The following CHCHD6 variants were observed in gnomAD, a reference collection of about 807,000 sequenced individuals.
CHCHD6 encodes MICOS complex subunit MIC25.
CHCHD6 carries 28 observed loss-of-function variants against 32.3 expected under a neutral mutation model. The ratio of observed to expected loss-of-function variants is 0.87; its 90% CI spans 0.64 to 1.19. The LOEUF (loss-of-function observed/expected upper bound fraction) is 1.19, where lower values mean the gene tolerates loss of function less well. Ranked by LOEUF, CHCHD6 falls within the 50% of genes most tolerant of loss-of-function variation. The pLI is 0.00. For synonymous variants in CHCHD6, 122 were observed against 117.5 expected, an observed-to-expected ratio of 1.04 and a Z score of -0.25; for missense variants, 333 against 307.0, an observed-to-expected ratio of 1.08 and a Z score of -0.63.
chr3:126,956,116 C>A (rs916003726), intron 6 of CHCHD6, among the ~76,000 whole-genome samples: 5 of 152,108 alleles, frequency 3.3e-5, no homozygotes, highest in African/African-American at 4.8e-5. Flanking sequence ...CTCTGGAGAC[C>A]CTGGTGGGAG....
chr3:126,715,617 G>A (rs1409806968), intron 1 of CHCHD6, among the ~76,000 whole-genome samples: 2 of 152,160 alleles, frequency 1.3e-5, no homozygotes, highest in Non-Finnish European at 2.9e-5. Flanking sequence ...GTGGAACAGA[G>A]CTGCATGGAT....
intron 4 of CHCHD6, among the ~76,000 whole-genome samples, chr3:126,777,674 G>A (rs1235773787): frequency 6.6e-6 from 1 of 152,194 alleles, no homozygotes; most frequent in African/African-American, 2.4e-5. Flanking sequence ...TAGCAGGCAC[G>A]TTGAGCTCCT....
At chr3:126,721,335 T>C (rs1935280169) in intron 1 of CHCHD6, among the ~76,000 whole-genome samples, 2 of 152,232 alleles carry the variant, frequency 1.3e-5, no homozygotes, top group Admixed American at 1.3e-4. Flanking sequence ...TCTTCCTGTC[T>C]GTGCCTCTTC....
intron 4 of CHCHD6, among the ~76,000 whole-genome samples, chr3:126,771,174 T>C (rs1197249370): frequency 6.6e-6 from 1 of 151,850 alleles, no homozygotes; most frequent in Non-Finnish European, 1.5e-5. Context: ...AGTGGTAATG[T>C]ACCCTTTATT....
In CHCHD6 at chr3:126,957,462, C is replaced by G. The variant is rs2078801691; in HGVS notation, c.613C>G (p.Leu205Val). ...PVCSGLQAQI[L>V]HCYRDRPHEV... is the part of the protein sequence containing the mutation. ...CTGCTCAGGGTTGCAGGCCCAGATT[C>G]TCCACTGCTACCGAGATCGCCCGCA... The change falls in exon 7 of 8, where the codon CTC becomes GTC. Residue 205 changes from leucine to valine, a missense_variant. Coordinates refer to ENST00000290913, the MANE Select transcript of CHCHD6 (RefSeq NM_032343.3). The G allele has an allele frequency of 1.2e-6, 2 of 1,611,130 alleles. No homozygotes were observed. Among genetic ancestry groups the G allele is most frequent in the South Asian group, 1.1e-5 (1 of 90,260 alleles).
chr3:126,911,757 A>G (rs1053014293), intron 5 of CHCHD6, among the ~76,000 whole-genome samples: 4 of 152,234 alleles, frequency 2.6e-5, no homozygotes, highest in African/African-American at 9.6e-5. Flanking sequence ...TTCTGGCAGT[A>G]TGGCATCTTG....
chr3:126,814,522 C>T (rs1412323212), intron 4 of CHCHD6, among the ~76,000 whole-genome samples: 3 of 152,182 alleles, frequency 2.0e-5, no homozygotes, highest in Non-Finnish European at 4.4e-5. Context: ...AAGTTGATCA[C>T]CAAATGGCCA....
chr3:126,920,711 G>C (rs766201966), intron 6 of CHCHD6, among the ~76,000 whole-genome samples: 4 of 152,228 alleles, frequency 2.6e-5, no homozygotes, highest in Non-Finnish European at 5.9e-5. Flanking sequence ...CTCCACAGGA[G>C]CGTTGCCTCC....
intron 6 of CHCHD6, among the ~76,000 whole-genome samples, chr3:126,933,389 A>G (rs1027089870): frequency 3.3e-5 from 5 of 152,090 alleles, no homozygotes; most frequent in Non-Finnish European, 4.4e-5. Flanking sequence ...TGTATTATCC[A>G]TTTGCATTGC....
intron 7 of CHCHD6, among the ~76,000 whole-genome samples, chr3:126,959,982 G>T (rs1345695631): frequency 6.6e-6 from 1 of 152,186 alleles, no homozygotes; most frequent in Non-Finnish European, 1.5e-5. Flanking sequence ...TGTCACTGTC[G>T]TGTGGAGTGA....
Position 126,745,785 on chromosome 3 carries a change from T to C in CHCHD6, c.411+12563T>C, listed in dbSNP as rs546822135. Among the ~76,000 whole-genome samples, 4 of 152,314 alleles carry C rather than the reference T, an allele frequency of 2.6e-5. No individual in the cohort carries two copies. The South Asian group carries it at 8.3e-4, about 32-fold the overall frequency. On this transcript the variant is annotated intron_variant, in intron 4 of 7. Coordinates refer to ENST00000290913, the MANE Select transcript of CHCHD6 (RefSeq NM_032343.3). ...TTTCCTAACTCTTAAGGTTAATTTG[T>C]GCTTGGAGAGGAGATACAGCTATTC...
At chr3:126,861,657 C>T (rs1201684038) in intron 5 of CHCHD6, among the ~76,000 whole-genome samples, 5 of 150,508 alleles carry the variant, frequency 3.3e-5, no homozygotes, top group South Asian at 2.1e-4. Context: ...CCACCTCCCC[C>T]TCCTCTACCA....
intron 4 of CHCHD6, among the ~76,000 whole-genome samples, chr3:126,752,564 G>T (rs1936770823): frequency 6.6e-6 from 1 of 152,210 alleles, no homozygotes. Context: ...GAGGCTGAAA[G>T]GCCCTCTACC....
intron 5 of CHCHD6, among the ~76,000 whole-genome samples, chr3:126,891,108 C>T (rs569347075): frequency 4.6e-5 from 7 of 152,302 alleles, no homozygotes; most frequent in African/African-American, 1.7e-4. Flanking sequence ...TTCCCCAGGA[C>T]ATACCCTAGC....
chr3:126,777,272 C>T (rs1205140125), intron 4 of CHCHD6, among the ~76,000 whole-genome samples: 1 of 152,100 alleles, frequency 6.6e-6, no homozygotes, highest in Non-Finnish European at 1.5e-5. Flanking sequence ...TCAAAACTAC[C>T]CAGGCATACA....
At position 126,906,876 on chromosome 3, in the gene CHCHD6, C is replaced by T. The variant is rs73207622; in HGVS notation, c.496-7804C>T. On this transcript the variant is annotated intron_variant, in intron 5 of 7. Transcript: ENST00000290913. ...TTCTCCCTGGACCAATGAAGAAGCA[C>T]GTTCAGGGAAGGGGGAGTCATCATC... Among the ~76,000 whole-genome samples the T allele has an allele frequency of 7.3e-3, 1,107 of 152,266 alleles. 7 individuals are homozygous for T. Among genetic ancestry groups the T allele is most frequent in the Non-Finnish European group, 0.012 (811 of 68,016 alleles).
intron 6 of CHCHD6, among the ~76,000 whole-genome samples, chr3:126,927,377 G>A (rs1197548544): frequency 6.6e-6 from 1 of 152,208 alleles, no homozygotes; most frequent in Non-Finnish European, 1.5e-5. Flanking sequence ...CTGGGGGGTG[G>A]TGGGCTCAGC....
At chr3:126,807,619 T>TC (rs772763162) in intron 4 of CHCHD6, among the ~76,000 whole-genome samples, 4 of 152,148 alleles carry the variant, frequency 2.6e-5, no homozygotes, top group Admixed American at 6.5e-5. Flanking sequence ...TCAGAACATT[T>TC]CCCAGAACTG....
At chr3:126,790,688 C>T (rs1048937787) in intron 4 of CHCHD6, among the ~76,000 whole-genome samples, 3 of 152,082 alleles carry the variant, frequency 2.0e-5, no homozygotes, top group Admixed American at 2.0e-4. Context: ...TCATTTAAGG[C>T]CTTCTCTACA....
Sources: allele counts gnomAD v4.1 joint callset (sites outside exome capture counted in the v4.1 genomes callset), GRCh38; gene constraint gnomAD v4.1.1; transcripts MANE v1.5; gene names NCBI Gene and HGNC (gene_info 2026-07-23, HGNC 2026-07-21).